The following HAT1 variants were observed in gnomAD, a reference collection of about 807,000 sequenced individuals.
The protein encoded by HAT1 is histone acetyltransferase type B catalytic subunit.
HAT1 carries 20 observed loss-of-function variants against 56.6 expected under a neutral mutation model. The observed-to-expected ratio is 0.35, with a 90% CI of 0.25 to 0.51. The LOEUF (loss-of-function observed/expected upper bound fraction) is 0.51, where lower values mean the gene tolerates loss of function less well. HAT1 is among the 20% of genes least tolerant of loss of function. The pLI is 0.95. For missense variants in HAT1, 408 were observed against 504.3 expected, an observed-to-expected ratio of 0.81 and a Z score of 1.83; for synonymous variants, 146 against 165.5, an observed-to-expected ratio of 0.88 and a Z score of 0.91.
chr2:171,949,255 A>T (rs181826025), intron 3 of HAT1, among the ~76,000 whole-genome samples: 1 of 152,046 alleles, frequency 6.6e-6, no homozygotes, highest in East Asian at 1.9e-4. Context: ...TCTGTCACCC[A>T]GGCTGAAGTG....
intron 4 of HAT1, among the ~76,000 whole-genome samples, chr2:171,962,638 C>T (rs946326867): frequency 9.9e-5 from 15 of 152,174 alleles, no homozygotes; most frequent in African/African-American, 3.4e-4. Context: ...AGGTGATGTG[C>T]GTATTTTGGC....
intron 2 of HAT1, among the ~76,000 whole-genome samples, chr2:171,943,131 G>A (rs1687064700): frequency 6.6e-6 from 1 of 151,230 alleles, no homozygotes; most frequent in African/African-American, 2.4e-5. Context: ...GGCTGGGCAC[G>A]GTGGCTTTGC....
chr2:171,949,640 C>T (rs1687254341), intron 3 of HAT1, among the ~76,000 whole-genome samples: 1 of 150,870 alleles, frequency 6.6e-6, no homozygotes, highest in African/African-American at 2.4e-5. Context: ...CGCCACTGCA[C>T]TCCAGCCTGG....
chr2:171,951,857 C>T lies in HAT1; in HGVS notation c.189-1024C>T, dbSNP rs78845256. ...GTAACATAATAGTGATATCCCTGAA[C>T]TGTATGACCCAAGCATGATAATTGG... is the stretch of plus-strand genomic sequence containing the variant. On this transcript the variant is annotated intron_variant, in intron 3 of 10. Transcript: ENST00000264108. Among the ~76,000 whole-genome samples the T allele has an allele frequency of 4.6e-5, 7 of 152,258 alleles. No individual in the cohort carries two copies. The East Asian group carries it at 1.4e-3, about 29-fold the overall frequency.
chr2:171,938,395 G>C (rs1402651881), intron 2 of HAT1, among the ~76,000 whole-genome samples: 1 of 152,028 alleles, frequency 6.6e-6, no homozygotes, highest in Non-Finnish European at 1.5e-5. Context: ...GAATGGTTTT[G>C]GGATGATTCA....
rs757632734 is a variant in HAT1, at chr2:171,966,419, TATA to T, written c.627_629del (p.Asn209del). On this transcript the variant is annotated inframe_deletion, in exon 7 of 11. Transcript: ENST00000264108. The stretch of plus-strand genomic sequence containing the variant: ...CTGTTTTATCTGCAGATTTGAGAAG[TATA>T]ATAAGGATGGAGCTACGCTCTTTGC... The T allele has an allele frequency of 3.9e-6, 6 of 1,550,060 alleles. No homozygotes were observed. Among genetic ancestry groups the T allele is most frequent in the Non-Finnish European group, 5.3e-6 (6 of 1,121,538 alleles).
At chr2:171,944,189 G>A (rs556273227) in intron 2 of HAT1, among the ~76,000 whole-genome samples, 1 of 151,764 alleles carries the variant, frequency 6.6e-6, no homozygotes, top group South Asian at 2.1e-4. Flanking sequence ...AAGGGATTGT[G>A]CACTGCATTT....
At chr2:171,978,983 C>T (rs1688059825) in intron 9 of HAT1, among the ~76,000 whole-genome samples, 1 of 151,046 alleles carries the variant, frequency 6.6e-6, no homozygotes, top group Admixed American at 6.6e-5. Flanking sequence ...CCCAGCTGCT[C>T]AGGAGGCTGA....
At chr2:171,932,589 G>A (rs577493881) in intron 2 of HAT1, among the ~76,000 whole-genome samples, 6 of 152,142 alleles carry the variant, frequency 3.9e-5, no homozygotes, top group African/African-American at 1.2e-4. Flanking sequence ...ACTGTAGAGC[G>A]AGGTGCAGTG....
chr2:171,927,054 T>C (rs1686617004), intron 2 of HAT1, among the ~76,000 whole-genome samples: 1 of 152,176 alleles, frequency 6.6e-6, no homozygotes, highest in Non-Finnish European at 1.5e-5. Flanking sequence ...ACACCATATA[T>C]TGTGTAATTC....
At chr2:171,949,407 G>A (rs1687249268) in intron 3 of HAT1, among the ~76,000 whole-genome samples, 1 of 152,090 alleles carries the variant, frequency 6.6e-6, no homozygotes, top group South Asian at 2.1e-4. Flanking sequence ...GCCGGGTGCA[G>A]TGGTTTAGAC....
intron 4 of HAT1, among the ~76,000 whole-genome samples, chr2:171,956,811 A>G (rs551217024): frequency 1.3e-5 from 2 of 152,350 alleles, no homozygotes; most frequent in African/African-American, 4.8e-5. Context: ...CAAAAAGGAT[A>G]CAGGACTTGA....
intron 2 of HAT1, among the ~76,000 whole-genome samples, chr2:171,942,908 GT>G (rs1162210862): frequency 2.0e-5 from 3 of 151,972 alleles, no homozygotes; most frequent in African/African-American, 7.2e-5. Context: ...CTCATTACTT[GT>G]TCTTTTCTCT....
chr2:171,965,300 G>A (rs201957736), intron 4 of HAT1, 38 bp from the exon 5 acceptor site: 451 of 1,250,094 alleles, frequency 3.6e-4, no homozygotes, highest in Non-Finnish European at 4.7e-4. Context: ...ACTTAAAGTC[G>A]AATTTGTTAT....
intron 1 of HAT1, chr2:171,925,043 C>A (rs1574029431): frequency 7.4e-6 from 1 of 135,888 alleles, no homozygotes; most frequent in Non-Finnish European, 1.6e-5. Context: ...AAAGTGATTT[C>A]TTTTTCTGTT....
intron 4 of HAT1, among the ~76,000 whole-genome samples, chr2:171,958,649 C>A (rs776583754): frequency 2.0e-5 from 3 of 152,126 alleles, no homozygotes; most frequent in Non-Finnish European, 2.9e-5. Flanking sequence ...GAGCTTCACA[C>A]TAGCAAACCC....
At position 171,954,829 on chromosome 2, in the gene HAT1, G is replaced by A. The variant is rs369280685; in HGVS notation, c.309+1828G>A. Among the ~76,000 whole-genome samples, 173 of 152,294 alleles carry A rather than the reference G, an allele frequency of 1.1e-3. 1 individual carries two copies. The highest frequency in any genetic ancestry group is 3.9e-3 in the African/African-American group (164 of 41,560). ...CTTCGCTGATGTAATTAAATATCTT[G>A]ATATTATCCTGGAATATTTGGGTGG... On this transcript the variant is annotated intron_variant, in intron 4 of 10. Transcript: ENST00000264108.
intron 9 of HAT1, 56 bp downstream of exon 9, chr2:171,976,364 T>C (rs1687967994): frequency 1.0e-6 from 1 of 979,488 alleles, no homozygotes; most frequent in East Asian, 2.8e-5. Flanking sequence ...ATTTTTGAAG[T>C]GTATACCTTA....
intron 2 of HAT1, among the ~76,000 whole-genome samples, chr2:171,945,434 G>C (rs960515801): frequency 6.6e-6 from 1 of 151,732 alleles, no homozygotes; most frequent in Non-Finnish European, 1.5e-5. Context: ...TAAACTGCTT[G>C]TGGGTGTATA....
Sources: allele counts gnomAD v4.1 joint callset (sites outside exome capture counted in the v4.1 genomes callset), GRCh38; gene constraint gnomAD v4.1.1; transcripts MANE v1.5; gene names NCBI Gene and HGNC (gene_info 2026-07-23, HGNC 2026-07-21).